The following IQCM variants were observed in gnomAD, a reference collection of about 807,000 sequenced individuals.
IQCM encodes the protein IQ motif containing M.
IQCM carries 45 observed loss-of-function variants against 57.6 expected under a neutral mutation model. That is an observed-to-expected ratio of 0.78 (90% confidence interval 0.62 to 1.00). IQCM has a LOEUF of 1.00. IQCM is among the 50% of genes least tolerant of loss of function. IQCM has a pLI of 0.00. For synonymous variants in IQCM, 148 were observed against 158.9 expected (o/e 0.93, Z 0.51); for missense variants, 468 against 511.6 (o/e 0.91, Z 0.82).
intron 13 of IQCM, among the ~76,000 whole-genome samples, chr4:149,398,769 C>CA (rs1372963735): frequency 6.6e-6 from 1 of 151,968 alleles, no homozygotes; most frequent in Non-Finnish European, 1.5e-5. Context: ...TGCAGAGGCA[C>CA]ACTCATGGCT....
intron 2 of IQCM, among the ~76,000 whole-genome samples, chr4:149,798,810 A>G (rs1370025462): frequency 6.6e-6 from 1 of 152,014 alleles, no homozygotes; most frequent in Non-Finnish European, 1.5e-5. Flanking sequence ...TGTATCTAAT[A>G]CTTTAGCATT....
At chr4:149,420,868 T>A (rs1734073757) in intron 13 of IQCM, among the ~76,000 whole-genome samples, 1 of 152,088 alleles carries the variant, frequency 6.6e-6, no homozygotes, top group African/African-American at 2.4e-5. Context: ...GGCACCAGCA[T>A]CTGCTATAAA....
Position 149,665,646 on chromosome 4 carries a change from T to C in IQCM, c.565+16472A>G, listed in dbSNP as rs1204566904. On this transcript the variant is annotated intron_variant, in intron 7 of 13. Transcript: ENST00000636793. Reference sequence around the variant, plus strand: ...ATGCTATCACTTGCCTACGAGCTCATTTTAGAGAGAGATTGCTATCCTAAC... The same window carrying C: ...ATGCTATCACTTGCCTACGAGCTCACTTTAGAGAGAGATTGCTATCCTAAC... Among the ~76,000 whole-genome samples, 7 of 152,128 alleles carry C rather than the reference T, an allele frequency of 4.6e-5. No homozygotes were observed. In the East Asian group the frequency reaches 1.4e-3, roughly 30 times the overall value.
chr4:149,467,384 T>G (rs1738965760), intron 12 of IQCM, among the ~76,000 whole-genome samples: 4 of 152,168 alleles, frequency 2.6e-5, no homozygotes. Context: ...AAATATGTAT[T>G]GAGTATATAC....
At position 149,570,821 on chromosome 4, in the gene IQCM, T is replaced by C. The variant is rs566575836; in HGVS notation, c.750-6931A>G. Among the ~76,000 whole-genome samples the C allele has an allele frequency of 4.9e-4, 74 of 152,190 alleles. 1 individual carries two copies. The South Asian group carries it at 0.015, about 32-fold the overall frequency. The stretch of plus-strand genomic sequence containing the variant: ...TTAATGATATTGAATCAAAAGTTGC[T>C]AGAACATGGGCAGAGCATTCAAATA... On this transcript the variant is annotated intron_variant, in intron 9 of 13. Transcript: ENST00000636793.
At chr4:149,498,880 A>G (rs1429263202) in intron 12 of IQCM, among the ~76,000 whole-genome samples, 3 of 152,156 alleles carry the variant, frequency 2.0e-5, no homozygotes, top group Admixed American at 6.6e-5. Context: ...TGGAAGAAAT[A>G]TAATTGAAGT....
At chr4:149,495,906 T>A (rs1398124552) in intron 12 of IQCM, among the ~76,000 whole-genome samples, 1 of 152,144 alleles carries the variant, frequency 6.6e-6, no homozygotes, top group Admixed American at 6.6e-5. Context: ...CTAATTTATT[T>A]CAGTAATGGT....
At chr4:149,645,576 G>A (rs1446555578) in intron 7 of IQCM, among the ~76,000 whole-genome samples, 1 of 152,180 alleles carries the variant, frequency 6.6e-6, no homozygotes, top group East Asian at 1.9e-4. Flanking sequence ...GTAAGGTGAT[G>A]TGAGACAGCT....
At chr4:149,791,659 T>A (rs1407360745) in intron 2 of IQCM, among the ~76,000 whole-genome samples, 1 of 152,170 alleles carries the variant, frequency 6.6e-6, no homozygotes, top group Non-Finnish European at 1.5e-5. Flanking sequence ...GCATTCTGCA[T>A]GTATGCTATT....
chr4:149,525,942 C>G (rs1026252193), intron 12 of IQCM, among the ~76,000 whole-genome samples: 2 of 151,636 alleles, frequency 1.3e-5, no homozygotes, highest in Non-Finnish European at 3.0e-5. Context: ...TATAAATAGG[C>G]AATCCATAGA....
At chr4:149,638,663 G>A (rs1031033419) in intron 7 of IQCM, among the ~76,000 whole-genome samples, 2 of 152,170 alleles carry the variant, frequency 1.3e-5, no homozygotes, top group African/African-American at 4.8e-5. Context: ...CGTACTGTAG[G>A]ATTTCATATA....
intron 12 of IQCM, among the ~76,000 whole-genome samples, chr4:149,507,423 C>T (rs111243193): frequency 1.8e-4 from 27 of 152,128 alleles, no homozygotes; most frequent in African/African-American, 6.5e-4. Flanking sequence ...ATGCTGACAG[C>T]GATATGGAAA....
intron 13 of IQCM, among the ~76,000 whole-genome samples, chr4:149,373,361 C>T (rs1407742445): frequency 6.6e-6 from 1 of 152,016 alleles, no homozygotes; most frequent in Non-Finnish European, 1.5e-5. Flanking sequence ...AATCCAACAG[C>T]AACAATAACA....
chr4:149,417,097 T>C (rs1273734564), intron 13 of IQCM, among the ~76,000 whole-genome samples: 1 of 152,178 alleles, frequency 6.6e-6, no homozygotes, highest in African/African-American at 2.4e-5. Flanking sequence ...CACAGGGAAG[T>C]GAAGACTTAC....
chr4:149,746,039 CAA>C (rs550807112), intron 2 of IQCM, among the ~76,000 whole-genome samples: 68 of 104,200 alleles, frequency 6.5e-4, no homozygotes, highest in Non-Finnish European at 5.7e-4. Context: ...ATTCTTTTGG[CAA>C]AAAAAAAAAA....
At chr4:149,354,638 T>A (rs1439919557) in intron 13 of IQCM, among the ~76,000 whole-genome samples, 1 of 151,946 alleles carries the variant, frequency 6.6e-6, no homozygotes, top group East Asian at 1.9e-4. Context: ...ATAACATTAC[T>A]CAAAAGAGTT....
intron 2 of IQCM, among the ~76,000 whole-genome samples, chr4:149,785,001 G>A (rs530163968): frequency 2.6e-5 from 4 of 152,248 alleles, no homozygotes; most frequent in Admixed American, 2.0e-4. Context: ...AGAAATTAGA[G>A]GGAAGTTAAC....
At chr4:149,372,611 T>G (rs1386678833) in intron 13 of IQCM, among the ~76,000 whole-genome samples, 3 of 152,154 alleles carry the variant, frequency 2.0e-5, no homozygotes, top group Non-Finnish European at 4.4e-5. Context: ...TTGGGTTTTC[T>G]GACCATAACA....
intron 13 of IQCM, among the ~76,000 whole-genome samples, chr4:149,420,288 T>C (rs1252705297): frequency 2.6e-5 from 4 of 152,096 alleles, no homozygotes; most frequent in Non-Finnish European, 4.4e-5. Flanking sequence ...GTGGTACATA[T>C]ACACGATAGA....
Sources: gnomAD v4.1 joint callset for allele counts (sites outside exome capture counted in the v4.1 genomes callset) on GRCh38, gnomAD v4.1.1 for gene constraint, MANE v1.5 for transcripts, NCBI Gene and HGNC (gene_info 2026-07-23, HGNC 2026-07-21) for gene names.